The following RHOJ variants were observed in gnomAD, a reference collection of about 807,000 sequenced individuals.
The protein encoded by RHOJ is rho-related GTP-binding protein RhoJ.
Under a neutral mutation model 23.4 loss-of-function variants are expected in RHOJ, and 11 were observed. The ratio of observed to expected loss-of-function variants is 0.47; its 90% confidence interval spans 0.30 to 0.78. The LOEUF (loss-of-function observed/expected upper bound fraction) is 0.78. Ranked by LOEUF, RHOJ falls within the 30% of genes least tolerant of loss-of-function variation. The pLI is 0.08. For synonymous variants in RHOJ, 102 were observed against 102.7 expected (o/e 0.99, Z 0.04); for missense variants, 254 against 273.4 (o/e 0.93, Z 0.50).
intron 1 of RHOJ, among the ~76,000 whole-genome samples, chr14:63,266,913 C>T (rs1314900474): frequency 1.3e-5 from 2 of 152,160 alleles, no homozygotes; most frequent in Admixed American, 1.3e-4. Flanking sequence ...TCCAGCTCCA[C>T]AGTGTGTGTG....
chr14:63,274,395 T>C (rs17100956), intron 2 of RHOJ, among the ~76,000 whole-genome samples: 17,569 of 152,146 alleles, frequency 0.12, 1,283 homozygotes, highest in African/African-American at 0.21. Context: ...AAAAGCAACC[T>C]CAGGACACAA....
intron 1 of RHOJ, among the ~76,000 whole-genome samples, chr14:63,228,560 T>A (rs1280587630): frequency 6.6e-6 from 1 of 151,918 alleles, no homozygotes; most frequent in African/African-American, 2.4e-5. Context: ...AAATACCTTC[T>A]GATAAAGTTG....
At chr14:63,234,394 C>G (rs1894750567) in intron 1 of RHOJ, among the ~76,000 whole-genome samples, 1 of 152,152 alleles carries the variant, frequency 6.6e-6, no homozygotes, top group African/African-American at 2.4e-5. Context: ...CATCCCTGCT[C>G]CTAATATACT....
intron 4 of RHOJ, among the ~76,000 whole-genome samples, chr14:63,286,037 G>A (rs1230870502): frequency 2.0e-5 from 3 of 152,168 alleles, no homozygotes; most frequent in African/African-American, 4.8e-5. Context: ...TAAGTTTCCT[G>A]CTGGGTTTTT....
intron 1 of RHOJ, among the ~76,000 whole-genome samples, chr14:63,206,870 G>C (rs558148376): frequency 3.3e-5 from 5 of 152,112 alleles, no homozygotes; most frequent in Non-Finnish European, 7.3e-5. Context: ...GCAATACTTT[G>C]CACATAGTAA....
At chr14:63,283,433 A>G (rs998889620) in intron 4 of RHOJ, among the ~76,000 whole-genome samples, 1 of 152,224 alleles carries the variant, frequency 6.6e-6, no homozygotes, top group East Asian at 1.9e-4. Context: ...TTCATTCAGA[A>G]AGCAATTTGG....
chr14:63,269,762 G>A (rs1177311949), intron 2 of RHOJ, among the ~76,000 whole-genome samples: 1 of 152,206 alleles, frequency 6.6e-6, no homozygotes, highest in Admixed American at 6.5e-5. Flanking sequence ...TGTCAGGACT[G>A]TTTCTTCAAG....
intron 1 of RHOJ, among the ~76,000 whole-genome samples, chr14:63,251,336 A>G (rs1193175484): frequency 6.6e-6 from 1 of 152,260 alleles, no homozygotes; most frequent in Non-Finnish European, 1.5e-5. Flanking sequence ...AAACTGAAGG[A>G]CATTGTAAGA....
At position 63,254,560 on chromosome 14, in the gene RHOJ, C is replaced by A. The variant is rs561003870; in HGVS notation, c.179-14550C>A. Among the ~76,000 whole-genome samples the A allele has an allele frequency of 2.0e-5, 3 of 152,192 alleles. No individual in the cohort carries two copies. In the South Asian group the frequency reaches 6.2e-4, roughly 32 times the overall value. ...TCTTTGCCTGTAAGGAGTTCACAGT[C>A]CAGTCAGCTATTAAGCATTTGTAGT... is the stretch of plus-strand genomic sequence containing the variant. On this transcript the variant is annotated intron_variant, in intron 1 of 4. Transcript: ENST00000316754.
intron 1 of RHOJ, among the ~76,000 whole-genome samples, chr14:63,225,583 C>T (rs143592313): frequency 6.6e-6 from 1 of 152,006 alleles, no homozygotes; most frequent in Non-Finnish European, 1.5e-5. Context: ...CTCTTCTGTT[C>T]CTGAAAACTA....
At chr14:63,259,692 C>T (rs2057134) in intron 1 of RHOJ, among the ~76,000 whole-genome samples, 49,310 of 152,032 alleles carry the variant, frequency 0.32, 10,767 homozygotes, top group African/African-American at 0.62. Flanking sequence ...ATCATATATA[C>T]AATCCTCCCC....
chr14:63,242,975 C>T (rs1326138381), intron 1 of RHOJ, among the ~76,000 whole-genome samples: 1 of 152,188 alleles, frequency 6.6e-6, no homozygotes, highest in African/African-American at 2.4e-5. Context: ...GTGTCATCCA[C>T]ATCCCCAAAT....
chr14:63,275,724 A>G (rs567672427), intron 2 of RHOJ, among the ~76,000 whole-genome samples: 55 of 152,306 alleles, frequency 3.6e-4, no homozygotes, highest in African/African-American at 1.0e-3. Flanking sequence ...GCAAATAAGC[A>G]CCTGTTTTCC....
Position 63,237,566 on chromosome 14 carries a change from G to C in RHOJ, c.179-31544G>C, listed in dbSNP as rs183340507. Among the ~76,000 whole-genome samples the C allele has an allele frequency of 1.6e-3, 243 of 152,260 alleles. 1 individual carries two copies. Among genetic ancestry groups the C allele is most frequent in the African/African-American group, 5.6e-3 (231 of 41,558 alleles). ...GAGACTAGTATGTGGCATGCATCCT[G>C]TTAGCCATGACTCAAAAACTCCAAT... is the stretch of plus-strand genomic sequence containing the variant. On this transcript the variant is annotated intron_variant, in intron 1 of 4. Transcript: ENST00000316754.
At chr14:63,220,108 G>A (rs191648942) in intron 1 of RHOJ, among the ~76,000 whole-genome samples, 69 of 152,200 alleles carry the variant, frequency 4.5e-4, no homozygotes, top group Middle Eastern at 3.4e-3. Context: ...TTTCTTCTTC[G>A]GTGAATTAAT....
rs186115956 is a variant in RHOJ, at chr14:63,266,890, A to C, written c.179-2220A>C. On this transcript the variant is annotated intron_variant, in intron 1 of 4. Coordinates refer to ENST00000316754, the MANE Select transcript of RHOJ (RefSeq NM_020663.5). ...TTCCTCTTTTCATATTTTGCTCAGA[A>C]AGCCTTTTCTGATCCAGCTCCACAG... 2.8e-3 allele frequency among the ~76,000 whole-genome samples: 420 copies of C among 152,256 alleles called. 1 individual carries two copies. The highest frequency in any genetic ancestry group is 9.5e-3 in the African/African-American group (396 of 41,556).
chr14:63,278,396 A>T (rs977565444), intron 2 of RHOJ, among the ~76,000 whole-genome samples: 1 of 152,154 alleles, frequency 6.6e-6, no homozygotes, highest in Non-Finnish European at 1.5e-5. Context: ...TGTAGTGTGC[A>T]CATGTGTGTA....
At position 63,217,668 on chromosome 14, in the gene RHOJ, AC is replaced by A. The variant is rs572872334; in HGVS notation, c.178+12622del. ...GTCTAAAACACCAAAAGCAATGCCA[AC>A]AAAAGACAAAATTGACAAATGGGAT... is the stretch of plus-strand genomic sequence containing the variant. On this transcript the variant is annotated intron_variant, in intron 1 of 4. Coordinates refer to ENST00000316754, the MANE Select transcript of RHOJ (RefSeq NM_020663.5). Among the ~76,000 whole-genome samples, 47 of 152,334 alleles carry A rather than the reference AC, an allele frequency of 3.1e-4. 1 individual carries two copies. In the East Asian group the frequency reaches 9.1e-3, roughly 29 times the overall value.
chr14:63,263,988 T>TC (rs1426323499), intron 1 of RHOJ, among the ~76,000 whole-genome samples: 1 of 151,584 alleles, frequency 6.6e-6, no homozygotes, highest in Non-Finnish European at 1.5e-5. Flanking sequence ...CCTTTTCTTT[T>TC]TTTTTTTAAT....
Sources: allele counts gnomAD v4.1 joint callset (sites outside exome capture counted in the v4.1 genomes callset), GRCh38; gene constraint gnomAD v4.1.1; transcripts MANE v1.5; gene names NCBI Gene and HGNC (gene_info 2026-07-23, HGNC 2026-07-21).